EXOC4: variants seen among roughly 807,000 people sequenced by gnomAD.
EXOC4 encodes the protein SEC8-like 1.
Under a neutral mutation model 107.2 loss-of-function variants are expected in EXOC4, and 71 were observed. The observed-to-expected ratio is 0.66, with a 90% CI of 0.55 to 0.81. The LOEUF (loss-of-function observed/expected upper bound fraction) is 0.81. EXOC4 is among the 30% of genes least tolerant of loss of function. EXOC4 has a pLI of 0.00. For missense variants in EXOC4, 1,108 were observed against 1,189.6 expected (o/e 0.93, Z 1.01); for synonymous variants, 456 against 441.2 (o/e 1.03, Z -0.42).
chr7:133,718,282 C>T (rs913488760), intron 10 of EXOC4, among the ~76,000 whole-genome samples: 1 of 152,132 alleles, frequency 6.6e-6, no homozygotes, highest in Non-Finnish European at 1.5e-5. Context: ...AATGAGGAAG[C>T]ATTCTTATTG....
intron 10 of EXOC4, among the ~76,000 whole-genome samples, chr7:133,797,919 T>C (rs1036192038): frequency 2.0e-5 from 3 of 152,058 alleles, no homozygotes; most frequent in Non-Finnish European, 4.4e-5. Flanking sequence ...GTAAACAAAG[T>C]CAATGCTTGT....
At chr7:133,528,650 A>T (rs1800124247) in intron 9 of EXOC4, among the ~76,000 whole-genome samples, 1 of 152,146 alleles carries the variant, frequency 6.6e-6, no homozygotes, top group Admixed American at 6.6e-5. Flanking sequence ...TCAGAGTGAG[A>T]GAATATATGA....
chr7:133,254,317 T>C (rs1334417998), intron 1 of EXOC4, among the ~76,000 whole-genome samples: 1 of 152,220 alleles, frequency 6.6e-6, no homozygotes, highest in Non-Finnish European at 1.5e-5. Context: ...AAAACATCTC[T>C]GTGTGGAAAT....
chr7:133,422,174 G>A (rs1189591189), intron 7 of EXOC4, among the ~76,000 whole-genome samples: 1 of 152,196 alleles, frequency 6.6e-6, no homozygotes, highest in African/African-American at 2.4e-5. Context: ...AACATTGCAA[G>A]TAGGCTGGGC....
At chr7:133,261,496 A>G (rs1795151924) in intron 1 of EXOC4, among the ~76,000 whole-genome samples, 1 of 152,074 alleles carries the variant, frequency 6.6e-6, no homozygotes, top group Admixed American at 6.5e-5. Flanking sequence ...CCTGGCCTCA[A>G]GCAATCCGCA....
intron 6 of EXOC4, among the ~76,000 whole-genome samples, chr7:133,367,872 T>C (rs1330337552): frequency 6.6e-6 from 1 of 152,200 alleles, no homozygotes; most frequent in Non-Finnish European, 1.5e-5. Context: ...GTTGCTGTCA[T>C]GATTTCATTG....
chr7:133,900,568 A>G (rs1023582143), intron 12 of EXOC4, among the ~76,000 whole-genome samples: 13 of 152,206 alleles, frequency 8.5e-5, no homozygotes, highest in African/African-American at 3.1e-4. Context: ...ATGGAGTGCC[A>G]CGTGCACACC....
At chr7:133,375,567 G>A (rs1050203073) in intron 7 of EXOC4, among the ~76,000 whole-genome samples, 4 of 151,918 alleles carry the variant, frequency 2.6e-5, no homozygotes, top group African/African-American at 4.8e-5. Context: ...GCTTTCTGTC[G>A]TAGTATACTT....
intron 10 of EXOC4, among the ~76,000 whole-genome samples, chr7:133,706,980 C>T (rs1042421743): frequency 1.3e-5 from 2 of 152,054 alleles, no homozygotes; most frequent in Non-Finnish European, 2.9e-5. Context: ...ACATTCAGAC[C>T]ATAGCATTTA....
chr7:133,290,344 C>G lies in EXOC4; in HGVS notation c.471+1228C>G, dbSNP rs115291540. On this transcript the variant is annotated intron_variant, in intron 3 of 17. Coordinates refer to ENST00000253861, the MANE Select transcript of EXOC4 (RefSeq NM_021807.4). ...AAAAAAGATTGACTCTTGGGAATGACAAAAGAATTGGTTATTTTCAGCATC... is the reference window on the plus strand; with the variant it reads ...AAAAAAGATTGACTCTTGGGAATGAGAAAAGAATTGGTTATTTTCAGCATC... Among the ~76,000 whole-genome samples, 624 of 152,244 alleles carry G rather than the reference C, an allele frequency of 4.1e-3. 4 individuals carry two copies. The highest frequency in any genetic ancestry group is 0.014 in the African/African-American group (582 of 41,558).
chr7:133,281,344 G>A (rs1241847953), intron 2 of EXOC4, among the ~76,000 whole-genome samples: 2 of 146,422 alleles, frequency 1.4e-5, no homozygotes, highest in East Asian at 2.1e-4. Flanking sequence ...TAATAAAAAT[G>A]TATCATTAAA....
chr7:133,287,275 C>T (rs1354138836), intron 2 of EXOC4, among the ~76,000 whole-genome samples: 2 of 150,440 alleles, frequency 1.3e-5, no homozygotes, highest in Admixed American at 6.7e-5. Flanking sequence ...AGGTCTATGA[C>T]CCCCCAAATT....
At chr7:133,712,706 T>C (rs778898257) in intron 10 of EXOC4, among the ~76,000 whole-genome samples, 2 of 152,098 alleles carry the variant, frequency 1.3e-5, no homozygotes, top group Non-Finnish European at 2.9e-5. Context: ...ATAGCCCAAA[T>C]AGCCGTCAGC....
intron 5 of EXOC4, among the ~76,000 whole-genome samples, chr7:133,318,921 T>G (rs897795116): frequency 6.6e-6 from 1 of 152,230 alleles, no homozygotes; most frequent in African/African-American, 2.4e-5. Flanking sequence ...AGAAAGGTTT[T>G]GTTTTCTCCC....
At chr7:133,878,153 T>G (rs1321518975) in intron 11 of EXOC4, among the ~76,000 whole-genome samples, 2 of 152,232 alleles carry the variant, frequency 1.3e-5, no homozygotes, top group Non-Finnish European at 2.9e-5. Flanking sequence ...GATAGCATTA[T>G]CACTATCACA....
At chr7:133,849,102 A>G (rs1029667840) in intron 11 of EXOC4, among the ~76,000 whole-genome samples, 1 of 152,182 alleles carries the variant, frequency 6.6e-6, no homozygotes, top group Admixed American at 6.5e-5. Flanking sequence ...CAGAATTTTC[A>G]TCATACGGAT....
In EXOC4 at chr7:133,659,225, C is replaced by T. The variant is rs80219734; in HGVS notation, c.1514+29084C>T. On this transcript the variant is annotated intron_variant, in intron 10 of 17. Coordinates refer to ENST00000253861, the MANE Select transcript of EXOC4 (RefSeq NM_021807.4). ...ATATAGGGTTGGTTGTTTAATCTAT[C>T]TTCATCTTTCTAATGTGGATAGTAG... Among the ~76,000 whole-genome samples the T allele has an allele frequency of 6.6e-3, 1,010 of 152,036 alleles. 6 individuals are homozygous for T. The highest frequency in any genetic ancestry group is 0.024 in the East Asian group (123 of 5,168).
At chr7:133,410,645 AT>A (rs1797335481) in intron 7 of EXOC4, among the ~76,000 whole-genome samples, 2 of 152,162 alleles carry the variant, frequency 1.3e-5, no homozygotes, top group Admixed American at 1.3e-4. Flanking sequence ...AGAAAGAAAG[AT>A]TTTTATTTTT....
chr7:133,985,056 G>A (rs971480287), intron 14 of EXOC4, among the ~76,000 whole-genome samples: 1 of 152,100 alleles, frequency 6.6e-6, no homozygotes, highest in African/African-American at 2.4e-5. Flanking sequence ...ACATTAAGCT[G>A]GGCAGTGAAT....
Sources: allele counts gnomAD v4.1 joint callset (sites outside exome capture counted in the v4.1 genomes callset), GRCh38; gene constraint gnomAD v4.1.1; transcripts MANE v1.5; gene names NCBI Gene and HGNC (gene_info 2026-07-23, HGNC 2026-07-21).